Variants in MICAL3 observed in about 807,000 individuals in gnomAD.
MICAL3 encodes microtubule associated monooxygenase, calponin and LIM domain containing 3, also known as [F-actin]-monooxygenase MICAL3.
MICAL3 carries 62 observed loss-of-function variants against 207.4 expected under a neutral mutation model. The observed-to-expected ratio is 0.30, with a 90% confidence interval of 0.24 to 0.37. The LOEUF (loss-of-function observed/expected upper bound fraction) is 0.37. MICAL3 is among the 10% of genes least tolerant of loss of function. MICAL3 has a pLI of 1.00. For missense variants in MICAL3, 2,368 were observed against 2,635.6 expected, an observed-to-expected ratio of 0.90 and a Z score of 2.22; for synonymous variants, 1,077 against 1,069.3, an observed-to-expected ratio of 1.01 and a Z score of -0.14.
At chr22:17,810,639 G>C in intron 28 of MICAL3, 64 bp downstream of exon 28, 1 of 1,308,080 alleles carries the variant, frequency 7.6e-7, no homozygotes, top group Non-Finnish European at 1.1e-6. Flanking sequence ...GCAGCTGGGT[G>C]GATAGGGAGA....
At chr22:17,849,657 TG>T (rs1925048204) in intron 19 of MICAL3, among the ~76,000 whole-genome samples, 1 of 132,898 alleles carries the variant, frequency 7.5e-6, no homozygotes, top group Non-Finnish European at 1.6e-5. Flanking sequence ...TGTGTGTGTG[TG>T]TGTGTGTGTG....
intron 16 of MICAL3, chr22:17,875,304 C>T: frequency 2.1e-6 from 1 of 480,460 alleles, no homozygotes; most frequent in Non-Finnish European, 3.7e-6. Context: ...CACAGGCAAA[C>T]AGCAACACAT....
At chr22:17,829,165 CTTTTT>C (rs11345969) in intron 21 of MICAL3, among the ~76,000 whole-genome samples, 1 of 127,610 alleles carries the variant, frequency 7.8e-6, no homozygotes, top group African/African-American at 2.9e-5. Flanking sequence ...GTGAATTTGC[CTTTTT>C]TTTTTTTTTT....
At chr22:17,877,144 T>A (rs369817955) in intron 16 of MICAL3, among the ~76,000 whole-genome samples, 72 of 17,504 alleles carry the variant, frequency 4.1e-3, no homozygotes, top group Middle Eastern at 0.05. Context: ...AGGGAGGTTA[T>A]GGAGGTTAGG....
At chr22:17,978,913 G>A (rs1423174479) in intron 1 of MICAL3, among the ~76,000 whole-genome samples, 2 of 150,442 alleles carry the variant, frequency 1.3e-5, no homozygotes, top group African/African-American at 4.9e-5. Flanking sequence ...AGTGGCTCAC[G>A]CCTATAAATC....
chr22:17,880,391 C>CG (rs1202424295), intron 16 of MICAL3, among the ~76,000 whole-genome samples: 16 of 152,362 alleles, frequency 1.1e-4, no homozygotes, highest in African/African-American at 3.4e-4. Context: ...ACGCTGAGGA[C>CG]GGCTAGCTCT....
intron 1 of MICAL3, among the ~76,000 whole-genome samples, chr22:17,942,925 G>A: frequency 6.6e-6 from 1 of 152,160 alleles, no homozygotes; most frequent in Non-Finnish European, 1.5e-5. Flanking sequence ...AGATCTCATT[G>A]AGTAGCTTCT....
chr22:17,791,173 G>A (rs777709951), intron 30 of MICAL3, 29 bp downstream of exon 30: 16 of 1,610,300 alleles, frequency 9.9e-6, no homozygotes, highest in East Asian at 2.2e-5. Context: ...CAAGCATAGC[G>A]CTGACGCCCC....
chr22:17,916,690 T>G (rs564051778), intron 1 of MICAL3, among the ~76,000 whole-genome samples: 9 of 152,220 alleles, frequency 5.9e-5, no homozygotes, highest in Admixed American at 2.6e-4. Context: ...CCCACCGGCC[T>G]CCAGGACAAG....
chr22:17,872,820 G>C (rs201909654), intron 16 of MICAL3: 1 of 1,613,214 alleles, frequency 6.2e-7, no homozygotes, highest in Admixed American at 1.7e-5. Flanking sequence ...CTCAGCCAAT[G>C]AGCTCACTCC....
rs543586805 is a variant in MICAL3, at chr22:17,916,673, C to A, written c.-74-9787G>T. Among the ~76,000 whole-genome samples, 3 of 152,240 alleles carry A rather than the reference C, an allele frequency of 2.0e-5. No individual in the cohort carries two copies. The Middle Eastern group carries it at 0.01, about 518-fold the overall frequency. On this transcript the variant is annotated intron_variant, in intron 1 of 31. Coordinates refer to ENST00000441493, the MANE Select transcript of MICAL3 (RefSeq NM_015241.3). ...TCACAGCTCACTACCGTCTGCCCCC[C>A]CACAACCCCACCGGCCTCCAGGACA...
chr22:17,794,951 A>C (rs545145302), intron 29 of MICAL3, among the ~76,000 whole-genome samples: 6 of 152,214 alleles, frequency 3.9e-5, no homozygotes, highest in Middle Eastern at 3.2e-3. Flanking sequence ...CAGAGAGAAC[A>C]GGGTTGAAGA....
intron 19 of MICAL3, among the ~76,000 whole-genome samples, chr22:17,852,931 C>G (rs1002848887): frequency 6.6e-6 from 1 of 151,980 alleles, no homozygotes; most frequent in African/African-American, 2.4e-5. Flanking sequence ...AAAAATTAGC[C>G]GGGCGTGGTG....
intron 16 of MICAL3, among the ~76,000 whole-genome samples, 196 bp from the exon 17 acceptor site, chr22:17,872,219 C>A (rs1381692867): frequency 6.6e-6 from 1 of 152,250 alleles, no homozygotes; most frequent in African/African-American, 2.4e-5. Flanking sequence ...TCACTGCCTC[C>A]ACGCACTGAC....
At position 17,819,133 on chromosome 22, in the gene MICAL3, C is replaced by G. The variant is rs1307954541; in HGVS notation, c.3532-4G>C. 1.4e-6 allele frequency: 2 copies of G among 1,469,910 alleles called. No homozygotes were observed. Among genetic ancestry groups the G allele is most frequent in the South Asian group, 3.1e-5 (2 of 64,688 alleles). The allele number at this position is 1,469,910 out of a possible 1,614,324, so 91.1% of individuals were successfully genotyped here. On this transcript the variant is annotated splice_region_variant and splice_polypyrimidine_tract_variant and intron_variant, in intron 25 of 31. Transcript: ENST00000441493. ...GGACAGGTGGGAGTTGGGGCCCCTA[C>G]AGGGAAGGAAGACAGAAGCCGCTGA...
chr22:17,878,240 C>A (rs1253474522), intron 16 of MICAL3, among the ~76,000 whole-genome samples: 1 of 152,218 alleles, frequency 6.6e-6, no homozygotes. Flanking sequence ...GAGGGCACTG[C>A]CCTGCTCAGT....
intron 13 of MICAL3, 111 bp downstream of exon 13, chr22:17,888,923 G>A (rs1479134634): frequency 2.9e-6 from 2 of 679,436 alleles, no homozygotes; most frequent in African/African-American, 1.8e-5. Flanking sequence ...TAAAAACACA[G>A]AGTAACTTTG....
chr22:17,858,390 A>T, intron 19 of MICAL3: 6 of 816,462 alleles, frequency 7.3e-6, no homozygotes, highest in Non-Finnish European at 8.9e-6. Context: ...TGGCTGGGTG[A>T]GCTGCAAGGT....
At chr22:17,984,964 T>C (rs1936086445) in intron 1 of MICAL3, among the ~76,000 whole-genome samples, 1 of 151,912 alleles carries the variant, frequency 6.6e-6, no homozygotes, top group South Asian at 2.1e-4. Flanking sequence ...CAACACAGCA[T>C]GCTAGAGGGT....
Sources: allele counts gnomAD v4.1 joint callset (sites outside exome capture counted in the v4.1 genomes callset), GRCh38; gene constraint gnomAD v4.1.1; transcripts MANE v1.5; gene names NCBI Gene and HGNC (gene_info 2026-07-23, HGNC 2026-07-21).